The following LGR5 variants were observed in gnomAD, a reference collection of about 807,000 sequenced individuals.
The protein encoded by LGR5 is leucine rich repeat containing G protein-coupled receptor 5.
A neutral mutation model predicts 76.7 loss-of-function variants in LGR5; 54 were observed. That is an observed-to-expected ratio of 0.70 (90% confidence interval 0.57 to 0.88). The LOEUF (loss-of-function observed/expected upper bound fraction) is 0.88, where lower values mean the gene tolerates loss of function less well. Ranked by LOEUF, LGR5 falls within the 40% of genes least tolerant of loss-of-function variation. LGR5 has a pLI of 0.00. For missense variants in LGR5, 1,078 were observed against 1,073.3 expected (o/e 1.00, Z -0.06); for synonymous variants, 406 against 421.9 (o/e 0.96, Z 0.46).
At chr12:71,477,809 G>A (rs1192417887) in intron 1 of LGR5, among the ~76,000 whole-genome samples, 4 of 152,122 alleles carry the variant, frequency 2.6e-5, no homozygotes, top group Non-Finnish European at 5.9e-5. Flanking sequence ...TTGGCCATGT[G>A]TCAACTAGTG....
rs1878072630 is a variant in LGR5 at position 71,561,790 on chromosome 12, T to C, written c.795T>C (p.His265=). Residue 265 remains histidine, a synonymous_variant, in exon 8 of 18, where the codon CAT becomes CAC. Transcript: ENST00000266674. ...TLSNLKELGF[H]SNNIRSIPEK... ...TTTTTTCTCTTTCTAGAGGATTTCA[T>C]AGCAACAATATCAGGTCGATACCTG... The C allele has an allele frequency of 1.3e-6, 2 of 1,599,446 alleles. No individual in the cohort carries two copies. The highest frequency in any genetic ancestry group is 1.3e-5 in the African/African-American group (1 of 74,598).
chr12:71,583,270 T>A (rs986333253), intron 17 of LGR5, among the ~76,000 whole-genome samples: 1 of 152,250 alleles, frequency 6.6e-6, no homozygotes, highest in Non-Finnish European at 1.5e-5. Context: ...CCTAGGATTC[T>A]CCTTGTCTGC....
chr12:71,491,679 C>T (rs1395127328), intron 1 of LGR5, among the ~76,000 whole-genome samples: 1 of 150,476 alleles, frequency 6.6e-6, no homozygotes, highest in East Asian at 1.9e-4. Flanking sequence ...TCAGTGGACC[C>T]CTGTGGCATT....
intron 1 of LGR5, among the ~76,000 whole-genome samples, chr12:71,494,437 A>G (rs1476783665): frequency 6.6e-6 from 1 of 151,096 alleles, no homozygotes; most frequent in Non-Finnish European, 1.5e-5. Flanking sequence ...GTTCTTTGTA[A>G]GCCTCTGTAT....
In LGR5 at chr12:71,584,863, G is replaced by C. The variant is rs1409384973; in HGVS notation, c.*129G>C. ...TTAAAAACCAAAAAAGAATCTCTCA[G>C]TTAGTAAGAAAAGGCTGAAAACCTC... On this transcript the variant is annotated 3_prime_UTR_variant, in exon 18 of 18. Transcript: ENST00000266674. The C allele has an allele frequency of 6.4e-6, 6 of 930,826 alleles. No homozygotes were observed. Among genetic ancestry groups the C allele is most frequent in the Admixed American group, 2.5e-5 (1 of 39,916 alleles). The allele number at this position is 930,826 out of a possible 1,614,324, so 57.7% of individuals were successfully genotyped here. A position where few individuals can be genotyped will look rare whatever the true frequency, so the allele number is the denominator to read the frequency against.
chr12:71,468,952 A>G (rs1872973944), intron 1 of LGR5, among the ~76,000 whole-genome samples: 2 of 152,160 alleles, frequency 1.3e-5, no homozygotes, highest in South Asian at 4.1e-4. Context: ...AAGAGCTGTA[A>G]ATAGCCCCCC....
intron 11 of LGR5, among the ~76,000 whole-genome samples, chr12:71,569,149 CA>C (rs1243998427): frequency 6.6e-6 from 1 of 152,128 alleles, no homozygotes; most frequent in Admixed American, 6.5e-5. Flanking sequence ...ACACCTTATA[CA>C]AAAATTAACT....
At chr12:71,464,612 T>A (rs1263080441) in intron 1 of LGR5, among the ~76,000 whole-genome samples, 1 of 152,112 alleles carries the variant, frequency 6.6e-6, no homozygotes, top group Non-Finnish European at 1.5e-5. Context: ...TTATATCACA[T>A]AAGCTACAAT....
At chr12:71,450,818 G>A (rs1872218452) in intron 1 of LGR5, among the ~76,000 whole-genome samples, 1 of 151,888 alleles carries the variant, frequency 6.6e-6, no homozygotes, top group Admixed American at 6.6e-5. Context: ...GAACACATAC[G>A]CACACACTCC....
chr12:71,531,869 C>A (rs1419665665), intron 3 of LGR5, among the ~76,000 whole-genome samples: 2 of 151,822 alleles, frequency 1.3e-5, no homozygotes, highest in Admixed American at 6.6e-5. Flanking sequence ...CCCTGTCCCC[C>A]CTCCAAAAAA....
At position 71,553,203 on chromosome 12, in the gene LGR5, G is replaced by T. The variant is rs748575341; in HGVS notation, c.559G>T (p.Ala187Ser). 1 of 1,614,020 alleles carries T rather than the reference G, an allele frequency of 6.2e-7. No individual in the cohort carries two copies. Among genetic ancestry groups the T allele is most frequent in the South Asian group, 1.1e-5 (1 of 91,072 alleles). ...CGTCCAGGCTTTTAGAAGTTTATCGGCATTGCAAGCCATGACCTTGGCCCT... is the reference window on the plus strand; with the variant it reads ...CGTCCAGGCTTTTAGAAGTTTATCGTCATTGCAAGCCATGACCTTGGCCCT... Reference protein sequence around the residue: ...IPVQAFRSLSALQAMTLALNK... With the variant: ...IPVQAFRSLSSLQAMTLALNK... The change falls in exon 5 of 18, where the codon GCA (alanine) becomes TCA (serine). Residue 187 changes from alanine (A) to serine (S), a missense_variant. Coordinates refer to ENST00000266674, the MANE Select transcript of LGR5 (RefSeq NM_003667.4).
chr12:71,523,142 T>C (rs1875807682), intron 2 of LGR5, among the ~76,000 whole-genome samples: 1 of 152,238 alleles, frequency 6.6e-6, no homozygotes, highest in East Asian at 1.9e-4. Context: ...TTATAGTATA[T>C]TATCAGTGGT....
chr12:71,565,144 G>A (rs575608879), intron 8 of LGR5, among the ~76,000 whole-genome samples: 20 of 151,998 alleles, frequency 1.3e-4, no homozygotes, highest in Non-Finnish European at 2.9e-4. Context: ...CAAGAGAAAA[G>A]AAGAGCTCAG....
intron 1 of LGR5, among the ~76,000 whole-genome samples, chr12:71,445,626 C>G (rs940838847): frequency 6.6e-6 from 1 of 152,178 alleles, no homozygotes; most frequent in African/African-American, 2.4e-5. Context: ...TGGTGGGAAG[C>G]AGGTCCGTTC....
At chr12:71,446,870 T>G (rs1872023032) in intron 1 of LGR5, among the ~76,000 whole-genome samples, 1 of 152,236 alleles carries the variant, frequency 6.6e-6, no homozygotes, top group Non-Finnish European at 1.5e-5. Flanking sequence ...ATCCATTTTC[T>G]TACTACCACA....
intron 1 of LGR5, among the ~76,000 whole-genome samples, chr12:71,462,528 C>T (rs1203679089): frequency 6.6e-6 from 1 of 152,108 alleles, no homozygotes; most frequent in Non-Finnish European, 1.5e-5. Flanking sequence ...TTTGCTCTCA[C>T]CAGTTTCTCC....
chr12:71,442,460 A>G (rs1160842309), intron 1 of LGR5, among the ~76,000 whole-genome samples: 1 of 152,180 alleles, frequency 6.6e-6, no homozygotes, highest in Non-Finnish European at 1.5e-5. Context: ...CTAAGAAGAC[A>G]TTTTCCCAGT....
chr12:71,468,571 C>T (rs1045576673), intron 1 of LGR5, among the ~76,000 whole-genome samples: 1 of 152,078 alleles, frequency 6.6e-6, no homozygotes, highest in Non-Finnish European at 1.5e-5. Flanking sequence ...GGCCTATTTG[C>T]AGAAACAATT....
chr12:71,461,306 GT>G (rs1483306948), intron 1 of LGR5, among the ~76,000 whole-genome samples: 2 of 152,256 alleles, frequency 1.3e-5, no homozygotes, highest in Non-Finnish European at 2.9e-5. Context: ...TTGAGAATGA[GT>G]TATGTAAGGT....
Sources: allele counts gnomAD v4.1 joint callset (sites outside exome capture counted in the v4.1 genomes callset), GRCh38; gene constraint gnomAD v4.1.1; transcripts MANE v1.5; gene names NCBI Gene and HGNC (gene_info 2026-07-23, HGNC 2026-07-21).